CHD1: variants seen among roughly 807,000 people sequenced by gnomAD.
CHD1 encodes the protein ATP-dependent chromatin remodeler CHD1.
A neutral mutation model predicts 224.2 loss-of-function variants in CHD1; 36 were observed. The ratio of observed to expected loss-of-function variants is 0.16; its 90% confidence interval spans 0.12 to 0.21. CHD1 has a LOEUF of 0.21. Among genes scored for constraint, CHD1 ranks in the 10% least tolerant of loss-of-function variants. CHD1 has a pLI of 1.00. For missense variants in CHD1, 1,378 were observed against 1,994.8 expected, an observed-to-expected ratio of 0.69 and a Z score of 5.89; for synonymous variants, 668 against 658.3, an observed-to-expected ratio of 1.01 and a Z score of -0.23.
chr5:98,869,621 C>A, intron 30 of CHD1, 133 bp downstream of exon 30: 1 of 821,698 alleles, frequency 1.2e-6, no homozygotes, highest in Non-Finnish European at 1.8e-6. Context: ...CACGTGCGCG[C>A]GCACACACAC....
At chr5:98,861,861 T>C (rs528912779) in intron 32 of CHD1, among the ~76,000 whole-genome samples, 4 of 151,756 alleles carry the variant, frequency 2.6e-5, no homozygotes, top group Admixed American at 6.6e-5. Context: ...TATAAGGTAC[T>C]TTTTTTTCTT....
At chr5:98,857,047 A>G (rs919227427) in intron 35 of CHD1, among the ~76,000 whole-genome samples, 35 of 152,246 alleles carry the variant, frequency 2.3e-4, no homozygotes, top group Admixed American at 2.1e-3. Context: ...CTGGAAGCTG[A>G]AATTAAGATT....
At chr5:98,910,774 ATTCT>A (rs1752338923) in intron 2 of CHD1, among the ~76,000 whole-genome samples, 2 of 152,066 alleles carry the variant, frequency 1.3e-5, no homozygotes, top group Non-Finnish European at 2.9e-5. Flanking sequence ...TGGACATATT[ATTCT>A]TTGTGAAACT....
intron 2 of CHD1, among the ~76,000 whole-genome samples, chr5:98,917,299 C>CCAA (rs775841258): frequency 2.8e-4 from 34 of 119,836 alleles, no homozygotes; most frequent in Non-Finnish European, 3.9e-4. Context: ...AACAAAGAAA[C>CCAA]AAAAAAAAAA....
At chr5:98,886,995 G>T (rs769074924) in intron 17 of CHD1, among the ~76,000 whole-genome samples, 15 of 152,080 alleles carry the variant, frequency 9.9e-5, no homozygotes, top group Non-Finnish European at 1.9e-4. Flanking sequence ...GGCAGAAGAG[G>T]AAGGCAAATG....
intron 18 of CHD1, among the ~76,000 whole-genome samples, chr5:98,885,043 T>C (rs1750550321): frequency 6.6e-6 from 1 of 152,162 alleles, no homozygotes; most frequent in Non-Finnish European, 1.5e-5. Flanking sequence ...GGCTAATTTA[T>C]TTTGAAGCAA....
chr5:98,928,331 G>A (rs1006999159), intron 1 of CHD1, among the ~76,000 whole-genome samples: 71 of 152,194 alleles, frequency 4.7e-4, no homozygotes, highest in African/African-American at 1.6e-3. Context: ...GCCGGCGCAA[G>A]GATGCGTTCT....
intron 24 of CHD1, among the ~76,000 whole-genome samples, chr5:98,875,922 C>T (rs894419994): frequency 1.3e-5 from 2 of 152,000 alleles, no homozygotes; most frequent in South Asian, 2.1e-4. Flanking sequence ...ATAAATATAT[C>T]CTGCCTGGCC....
At position 98,892,699 on chromosome 5, in the gene CHD1, T is replaced by C. The variant is rs61759467; in HGVS notation, c.2006A>G (p.Glu669Gly). Residue 669 changes from glutamate to glycine, a missense_variant, in exon 15 of 36, where the codon GAA (glutamate) becomes GGA (glycine). Glu to Gly is a moderately conservative substitution (Grantham distance 98). Around this residue, in one of 16 missense-constraint regions of CHD1, gnomAD observed 37 missense variants for 118.9 expected, o/e 0.31. Coordinates refer to ENST00000614616, the MANE Select transcript of CHD1 (RefSeq NM_001270.4). ...TTTGCCATGTTCTTCTTCAAAATCT[T>C]CCCAGGAAGAAAACCTTTAAAATTT... ...FIMPEKFSSW[E>G]DFEEEHGKGR... The C allele has an allele frequency of 2.5e-6, 4 of 1,591,242 alleles. No homozygotes were observed. The highest frequency in any genetic ancestry group is 3.4e-6 in the Non-Finnish European group (4 of 1,166,946).
intron 2 of CHD1, among the ~76,000 whole-genome samples, chr5:98,909,215 T>C (rs1752234739): frequency 6.6e-6 from 1 of 152,168 alleles, no homozygotes; most frequent in African/African-American, 2.4e-5. Flanking sequence ...GTCTCATAAT[T>C]GTTTCTTCCA....
chr5:98,886,784 A>G (rs1750677967), intron 17 of CHD1, among the ~76,000 whole-genome samples: 1 of 152,168 alleles, frequency 6.6e-6, no homozygotes, highest in South Asian at 2.1e-4. Context: ...TATTAGTACA[A>G]ATTTTAAGAA....
intron 28 of CHD1, 53 bp from the exon 29 acceptor site, chr5:98,870,856 G>T (rs1378063500): frequency 6.5e-6 from 7 of 1,085,038 alleles, no homozygotes; most frequent in Non-Finnish European, 9.7e-6. Flanking sequence ...CATGAGAAAT[G>T]TACTGGCTAA....
Position 98,888,296 on chromosome 5 carries a change from A to T in CHD1, c.2344-56T>A. Reference sequence around the variant, plus strand: ...AAAAGACATAAATGGTAAGTTGTCCACGTAACACTTTAGTTGCCTGAATTA... The same window carrying T: ...AAAAGACATAAATGGTAAGTTGTCCTCGTAACACTTTAGTTGCCTGAATTA... On this transcript the variant is annotated intron_variant, in intron 16 of 35. Coordinates refer to ENST00000614616, the MANE Select transcript of CHD1 (RefSeq NM_001270.4). The T allele has an allele frequency of 3.2e-6, 4 of 1,238,042 alleles. No homozygotes were observed. In the African/African-American group the frequency reaches 6.1e-5, roughly 19 times the overall value. 76.7% of individuals were successfully genotyped at this position (1,238,042 alleles called of 1,614,324 possible).
rs1299825612 is a variant in CHD1 at position 98,874,947 on chromosome 5, A to C, written c.3440+125T>G. 3.6e-5 allele frequency: 22 copies of C among 608,142 alleles called. No homozygotes were observed. The Admixed American group carries it at 7.1e-4, about 20-fold the overall frequency. The allele number at this position is 608,142 out of a possible 1,614,324, so 37.7% of individuals were successfully genotyped here. ...CAATCTGAAATTTCCCTTGTACATT[A>C]ATTTTGTAAATGCCGATTAAAAGCA... On this transcript the variant is annotated intron_variant, in intron 25 of 35. Transcript: ENST00000614616.
intron 31 of CHD1, among the ~76,000 whole-genome samples, chr5:98,865,637 G>A (rs564451315): frequency 6.6e-6 from 1 of 152,294 alleles, no homozygotes; most frequent in South Asian, 2.1e-4. Flanking sequence ...AAGACAACCA[G>A]TAAAAGGAAA....
At chr5:98,892,988 AAAATATACTTTTAAAG>A (rs1276397297) in intron 14 of CHD1, among the ~76,000 whole-genome samples, 1 of 152,158 alleles carries the variant, frequency 6.6e-6, no homozygotes, top group Admixed American at 6.5e-5. Context: ...ATTTCTCAAA[AAAATATACTTTTAAAG>A]TTCTGGACCT....
intron 17 of CHD1, among the ~76,000 whole-genome samples, chr5:98,886,949 G>T (rs1750690830): frequency 6.6e-6 from 1 of 152,004 alleles, no homozygotes; most frequent in African/African-American, 2.4e-5. Flanking sequence ...GTTTGACTAT[G>T]TACACAATAA....
intron 22 of CHD1, 140 bp downstream of exon 22, chr5:98,880,936 T>C: frequency 6.3e-6 from 4 of 638,118 alleles, no homozygotes; most frequent in Non-Finnish European, 1.1e-5. Flanking sequence ...TACTGGTTTG[T>C]CTGAACAAGA....
intron 12 of CHD1, among the ~76,000 whole-genome samples, chr5:98,894,946 C>T (rs1751249643): frequency 6.6e-6 from 1 of 151,788 alleles, no homozygotes; most frequent in South Asian, 2.1e-4. Flanking sequence ...CTCAGCCTCC[C>T]GAGTAGCTAG....
Sources: gnomAD v4.1 joint callset for allele counts (sites outside exome capture counted in the v4.1 genomes callset) on GRCh38, gnomAD v4.1.1 for gene constraint, gnomAD v4.1.1 regional missense constraint, MANE v1.5 for transcripts, NCBI Gene and HGNC (gene_info 2026-07-23, HGNC 2026-07-21) for gene names.